The following PPIH variants were observed in gnomAD, a reference collection of about 807,000 sequenced individuals.
The protein encoded by PPIH is peptidylprolyl isomerase H.
Under a neutral mutation model 27.6 loss-of-function variants are expected in PPIH, and 16 were observed. That is an observed-to-expected ratio of 0.58 (90% confidence interval 0.39 to 0.88). The LOEUF (loss-of-function observed/expected upper bound fraction) is 0.88. PPIH is among the 40% of genes least tolerant of loss of function. The pLI, the probability that PPIH is intolerant of heterozygous loss-of-function variation, is 0.00. For synonymous variants in PPIH, 63 were observed against 76.1 expected (o/e 0.83, Z 0.90); for missense variants, 155 against 224.1 (o/e 0.69, Z 1.97).
chr1:42,665,449 ACTAG>A (rs1482262346), intron 6 of PPIH, among the ~76,000 whole-genome samples: 1 of 152,116 alleles, frequency 6.6e-6, no homozygotes, highest in African/African-American at 2.4e-5. Flanking sequence ...GGTAAGGCCC[ACTAG>A]CAGGCTAGCA....
intron 9 of PPIH, among the ~76,000 whole-genome samples, chr1:42,669,086 T>C (rs1570395863): frequency 6.6e-6 from 1 of 150,870 alleles, no homozygotes; most frequent in Non-Finnish European, 1.5e-5. Context: ...GGTGCATGCC[T>C]GTAGTCCCAG....
At chr1:42,667,986 C>T (rs16829846) in intron 9 of PPIH, among the ~76,000 whole-genome samples, 91 of 152,322 alleles carry the variant, frequency 6.0e-4, no homozygotes, top group South Asian at 5.2e-3. Flanking sequence ...GCCTGCTCTG[C>T]GCTGGGCAGC....
chr1:42,665,893 A>G, intron 6 of PPIH, 87 bp from the exon 7 acceptor site: 1 of 1,054,982 alleles, frequency 9.5e-7, no homozygotes, highest in Non-Finnish European at 1.5e-6. Context: ...CCATAGAGGA[A>G]TCAGTGTTAC....
At chr1:42,662,898 T>C (rs1649120017) in intron 5 of PPIH, among the ~76,000 whole-genome samples, 1 of 152,224 alleles carries the variant, frequency 6.6e-6, no homozygotes, top group African/African-American at 2.4e-5. Context: ...TACTTCATAA[T>C]TGTCCATATT....
intron 9 of PPIH, among the ~76,000 whole-genome samples, chr1:42,669,132 C>G (rs181258850): frequency 2.2e-4 from 33 of 150,734 alleles, no homozygotes; most frequent in African/African-American, 7.8e-4. Flanking sequence ...ATTACTTGAG[C>G]CCAGGAGTTT....
intron 9 of PPIH, among the ~76,000 whole-genome samples, chr1:42,672,802 A>G (rs767398810): frequency 1.3e-5 from 2 of 151,778 alleles, no homozygotes; most frequent in African/African-American, 2.4e-5. Context: ...ATGCTCCACC[A>G]CGTCTGGCTA....
downstream of PPIH, chr1:42,681,494 C>A (rs2148732549): frequency 6.6e-6 from 1 of 152,170 alleles, no homozygotes; most frequent in Admixed American, 6.5e-5. Flanking sequence ...TAAAAAAGAA[C>A]GAAAGAAGGT....
At chr1:42,677,892 T>C (rs2148731298), downstream of PPIH, among the ~76,000 whole-genome samples, 1 of 152,340 alleles carries the variant, frequency 6.6e-6, no homozygotes, top group Non-Finnish European at 1.5e-5. Flanking sequence ...TTGCTCTCAT[T>C]CTTATTTGCT....
intron 5 of PPIH, 107 bp downstream of exon 5, chr1:42,661,011 A>G (rs1648983984): frequency 1.9e-6 from 2 of 1,057,372 alleles, no homozygotes; most frequent in East Asian, 2.4e-5. Flanking sequence ...CTTGAGAACA[A>G]TAGCCAGGTT....
rs772468635 is a variant in PPIH at position 42,659,249 on chromosome 1, C to G, written c.153C>G (p.Phe51Leu). ...ENFRQFCTGEFRKDGVPIGYK... is the reference protein window; with the variant it reads ...ENFRQFCTGELRKDGVPIGYK... ...TCAGGCAGTTCTGCACCGGAGAATTCAGGTCAGTTTCAGATGTGTTTGACT... is the reference window on the plus strand; with the variant it reads ...TCAGGCAGTTCTGCACCGGAGAATTGAGGTCAGTTTCAGATGTGTTTGACT... The change falls in exon 3 of 10, where the codon TTC (phenylalanine) becomes TTG (leucine). Residue 51 changes from phenylalanine (F) to leucine (L), a missense_variant and splice_region_variant. Physicochemically the swap from Phe to Leu is conservative, Grantham distance 22 (BLOSUM62 0). This residue lies in a region of PPIH where 96 missense variants were observed against 175.3 expected (regional missense o/e 0.55). Transcript: ENST00000304979. 6.2e-7 allele frequency: 1 copy of G among 1,614,180 alleles called. No individual in the cohort carries two copies. Among genetic ancestry groups the G allele is most frequent in the Non-Finnish European group, 8.5e-7 (1 of 1,180,036 alleles).
intron 4 of PPIH, among the ~76,000 whole-genome samples, chr1:42,660,191 G>A (rs926741365): frequency 6.6e-6 from 1 of 152,144 alleles, no homozygotes; most frequent in Non-Finnish European, 1.5e-5. Flanking sequence ...TACATGTTTA[G>A]CAGTACATTT....
At chr1:42,673,174 G>A (rs1398679094) in intron 9 of PPIH, among the ~76,000 whole-genome samples, 1 of 151,788 alleles carries the variant, frequency 6.6e-6, no homozygotes, top group African/African-American at 2.4e-5. Context: ...TTTTAGAGAT[G>A]GGGTTTCACC....
chr1:42,681,372 G>T (rs981712045), downstream of PPIH: 12 of 152,062 alleles, frequency 7.9e-5, no homozygotes, highest in African/African-American at 2.9e-4. Flanking sequence ...AAAATACTTC[G>T]TGGTTTTGCA....
intron 3 of PPIH, 22 bp downstream of exon 3, chr1:42,659,273 C>T (rs1648862885): frequency 6.2e-7 from 1 of 1,614,218 alleles, no homozygotes; most frequent in Non-Finnish European, 8.5e-7. Flanking sequence ...ATGTGTTTGA[C>T]TTCTTTGCCT....
chr1:42,668,365 C>T (rs1649455861), intron 9 of PPIH, among the ~76,000 whole-genome samples: 1 of 151,788 alleles, frequency 6.6e-6, no homozygotes, highest in African/African-American at 2.4e-5. Flanking sequence ...TCCTGCTCCT[C>T]TTCCCTCCCT....
intron 4 of PPIH, among the ~76,000 whole-genome samples, chr1:42,660,618 C>T (rs1648954123): frequency 2.6e-5 from 4 of 152,040 alleles, no homozygotes; most frequent in South Asian, 2.1e-4. Context: ...TTAGTAGAGA[C>T]GGGGTTTTGC....
At chr1:42,658,968 C>T in intron 2 of PPIH, 60 bp downstream of exon 2, 3 of 1,559,206 alleles carry the variant, frequency 1.9e-6, no homozygotes, top group Non-Finnish European at 2.7e-6. Context: ...TCCAGTCAGC[C>T]GCCTGAAATA....
intron 1 of PPIH, 33 bp downstream of exon 1, chr1:42,658,545 G>C: frequency 6.3e-7 from 1 of 1,595,702 alleles, no homozygotes; most frequent in Non-Finnish European, 8.6e-7. Flanking sequence ...CACCTGCGCC[G>C]AAGGGAAACT....
downstream of PPIH, among the ~76,000 whole-genome samples, chr1:42,677,209 C>T (rs960832963): frequency 1.3e-5 from 2 of 152,194 alleles, no homozygotes; most frequent in African/African-American, 4.8e-5. Context: ...TGCCGTGGCT[C>T]ACACCTGTAA....
Sources: gnomAD v4.1 joint callset for allele counts (sites outside exome capture counted in the v4.1 genomes callset) on GRCh38, gnomAD v4.1.1 for gene constraint, gnomAD v4.1.1 regional missense constraint, MANE v1.5 for transcripts, NCBI Gene and HGNC (gene_info 2026-07-23, HGNC 2026-07-21) for gene names.